The following NAV2 variants were observed in gnomAD, a reference collection of about 807,000 sequenced individuals.
NAV2 encodes helicase, APC down-regulated 1.
Under a neutral mutation model 223.2 loss-of-function variants are expected in NAV2, and 54 were observed. The observed-to-expected ratio is 0.24, with a 90% confidence interval of 0.19 to 0.30. NAV2 has a LOEUF of 0.30. Ranked by LOEUF, NAV2 falls within the 10% of genes least tolerant of loss-of-function variation. The probability of loss-of-function intolerance (pLI) is 1.00; values close to 1 mark genes in which losing one functional copy is unlikely to be tolerated. For synonymous variants in NAV2, 1,279 were observed against 1,239.3 expected, an observed-to-expected ratio of 1.03 and a Z score of -0.67; for missense variants, 2,806 against 3,147.5, an observed-to-expected ratio of 0.89 and a Z score of 2.60.
intron 1 of NAV2, among the ~76,000 whole-genome samples, chr11:19,490,405 T>C (rs2042586319): frequency 6.6e-6 from 1 of 152,268 alleles, no homozygotes; most frequent in South Asian, 2.1e-4. Context: ...CTGCTGCTGC[T>C]TTATTAAATA....
At chr11:19,612,330 T>C (rs907864995) in intron 1 of NAV2, among the ~76,000 whole-genome samples, 2 of 152,214 alleles carry the variant, frequency 1.3e-5, no homozygotes, top group African/African-American at 4.8e-5. Flanking sequence ...GGGATTAACA[T>C]TAGTCTCCTT....
intron 1 of NAV2, among the ~76,000 whole-genome samples, chr11:19,499,979 C>T (rs952920826): frequency 3.9e-4 from 59 of 151,444 alleles, no homozygotes; most frequent in Admixed American, 7.9e-4. Flanking sequence ...TATATATATA[C>T]ACACACACAC....
At chr11:19,873,663 C>T (rs529918509) in intron 4 of NAV2, among the ~76,000 whole-genome samples, 1 of 152,168 alleles carries the variant, frequency 6.6e-6, no homozygotes, top group East Asian at 1.9e-4. Context: ...TCTTTCTGGA[C>T]CCGTACGGTG....
intron 1 of NAV2, among the ~76,000 whole-genome samples, chr11:19,650,780 T>C (rs1447459687): frequency 2.6e-5 from 4 of 152,150 alleles, no homozygotes; most frequent in Non-Finnish European, 4.4e-5. Flanking sequence ...ACAACATGAA[T>C]GAATCTCAAA....
At chr11:19,378,105 G>T (rs1192301105) in intron 1 of NAV2, among the ~76,000 whole-genome samples, 2 of 152,184 alleles carry the variant, frequency 1.3e-5, no homozygotes, top group South Asian at 2.1e-4. Flanking sequence ...TTCTCAGAGC[G>T]TATGTATGAG....
At chr11:19,601,563 C>A (rs546801929) in intron 1 of NAV2, among the ~76,000 whole-genome samples, 2 of 152,184 alleles carry the variant, frequency 1.3e-5, no homozygotes, top group African/African-American at 4.8e-5. Flanking sequence ...AGACATGGTA[C>A]CCCATCTGGT....
At chr11:19,941,915 C>G (rs1398427853) in intron 8 of NAV2, among the ~76,000 whole-genome samples, 1 of 152,162 alleles carries the variant, frequency 6.6e-6, no homozygotes, top group African/African-American at 2.4e-5. Flanking sequence ...TGTAACATAT[C>G]CCTTAAGGTT....
intron 1 of NAV2, among the ~76,000 whole-genome samples, chr11:19,361,883 G>T (rs1039610677): frequency 2.0e-5 from 3 of 152,122 alleles, no homozygotes; most frequent in Non-Finnish European, 2.9e-5. Context: ...CAAGTGAGGT[G>T]GTGGAAGGAA....
intron 1 of NAV2, among the ~76,000 whole-genome samples, chr11:19,779,117 G>A (rs1231790360): frequency 6.6e-6 from 1 of 152,168 alleles, no homozygotes; most frequent in Non-Finnish European, 1.5e-5. Flanking sequence ...ACAAGGGTCA[G>A]GGGTCAGCCT....
intron 1 of NAV2, among the ~76,000 whole-genome samples, chr11:19,457,240 G>A (rs931329812): frequency 6.6e-6 from 1 of 152,178 alleles, no homozygotes; most frequent in Non-Finnish European, 1.5e-5. Flanking sequence ...TAAATACTGT[G>A]AAGAAATCAA....
chr11:19,782,295 T>G (rs1029679078), intron 1 of NAV2, among the ~76,000 whole-genome samples: 1 of 152,224 alleles, frequency 6.6e-6, no homozygotes, highest in Non-Finnish European at 1.5e-5. Context: ...AGGAAGGTTT[T>G]GACTTTGGTT....
chr11:19,494,150 T>C (rs2042720390), intron 1 of NAV2, among the ~76,000 whole-genome samples: 1 of 152,208 alleles, frequency 6.6e-6, no homozygotes, highest in African/African-American at 2.4e-5. Context: ...ACAGACCTTC[T>C]TGGAACAGAA....
chr11:19,741,702 T>G (rs1241438640), intron 1 of NAV2, among the ~76,000 whole-genome samples: 1 of 44,394 alleles, frequency 2.3e-5, no homozygotes, highest in Non-Finnish European at 6.2e-5. Context: ...TATATATATA[T>G]ATATATATAT....
At chr11:19,503,487 C>A (rs1437998941) in intron 1 of NAV2, 2 of 152,206 alleles carry the variant, frequency 1.3e-5, no homozygotes, top group Non-Finnish European at 2.9e-5. Flanking sequence ...CCAGGAAACA[C>A]TGATCTTTTT....
chr11:20,072,986 G>T (rs1446132992), intron 22 of NAV2, among the ~76,000 whole-genome samples: 1 of 152,158 alleles, frequency 6.6e-6, no homozygotes, highest in African/African-American at 2.4e-5. Context: ...AATAGGAGCG[G>T]TGAGAGAGGG....
chr11:19,595,026 G>A (rs1024378143), intron 1 of NAV2, among the ~76,000 whole-genome samples: 4 of 152,240 alleles, frequency 2.6e-5, no homozygotes, highest in African/African-American at 9.6e-5. Flanking sequence ...TATATGGGAG[G>A]GGATCCCAGG....
intron 11 of NAV2, among the ~76,000 whole-genome samples, chr11:20,031,738 G>C (rs935704685): frequency 8.7e-6 from 1 of 115,232 alleles, no homozygotes; most frequent in Non-Finnish European, 1.9e-5. Flanking sequence ...TTCGCTTTGT[G>C]TGTGTGTGTG....
intron 11 of NAV2, among the ~76,000 whole-genome samples, chr11:20,001,481 G>A (rs192861223): frequency 5.6e-4 from 85 of 152,184 alleles, no homozygotes; most frequent in Admixed American, 1.7e-3. Context: ...GTTTTAGATG[G>A]ATGGGTTATC....
chr11:20,013,240 CA>C (rs1377958327), intron 11 of NAV2, among the ~76,000 whole-genome samples: 1 of 152,144 alleles, frequency 6.6e-6, no homozygotes, highest in Non-Finnish European at 1.5e-5. Context: ...ACGTTGTATA[CA>C]AAGTTAGTAG....
Sources: gnomAD v4.1 joint callset for allele counts (sites outside exome capture counted in the v4.1 genomes callset) on GRCh38, gnomAD v4.1.1 for gene constraint, MANE v1.5 for transcripts, NCBI Gene and HGNC (gene_info 2026-07-23, HGNC 2026-07-21) for gene names.